The following C9orf50 variants were observed in gnomAD, a reference collection of about 807,000 sequenced individuals.
C9orf50 encodes chromosome 9 open reading frame 50, also known as uncharacterized protein C9orf50.
C9orf50 carries 33 observed loss-of-function variants against 42.5 expected under a neutral mutation model. The observed-to-expected ratio is 0.78, with a 90% CI of 0.59 to 1.04. The LOEUF (loss-of-function observed/expected upper bound fraction) is 1.04, where lower values mean the gene tolerates loss of function less well. Among genes scored for constraint, C9orf50 ranks in the 50% least tolerant of loss-of-function variants. C9orf50 has a pLI of 0.00. For missense variants in C9orf50, 547 were observed against 594.3 expected (o/e 0.92, Z 0.83); for synonymous variants, 257 against 273.4 (o/e 0.94, Z 0.59).
exon 7 of C9orf50, chr9:129,612,316 T>G: frequency 6.4e-7 from 1 of 1,572,754 alleles, no homozygotes; most frequent in Non-Finnish European, 8.7e-7. Flanking sequence ...GCCTGGCCCA[T>G]GTGTGCCCCT....
chr9:129,615,051 G>C (rs1182653537), intron 4 of C9orf50, among the ~76,000 whole-genome samples: 2 of 152,206 alleles, frequency 1.3e-5, no homozygotes, highest in Non-Finnish European at 1.5e-5. Flanking sequence ...GGCTTTTCTG[G>C]GCACCTCCTC....
intron 3 of C9orf50, among the ~76,000 whole-genome samples, chr9:129,617,295 C>G (rs1433765048): frequency 6.6e-6 from 1 of 152,206 alleles, no homozygotes; most frequent in East Asian, 1.9e-4. Context: ...AGGACAGTGC[C>G]TGGCTACATG....
rs1830207785 is a variant in C9orf50, at chr9:129,613,778, GAC to G, written c.881-183_881-182del. ...CTTGGGTTTTAAAACCACCTTGCGT[GAC>G]CATTTCTGTTATACCCAAGCTGTGC... On this transcript the variant is annotated intron_variant, in intron 4 of 6. Transcript: ENST00000372478. The surrounding 1 kb of genome is among the most constrained non-coding windows in gnomAD (Gnocchi z 6.2). Among the ~76,000 whole-genome samples, 1 of 152,206 alleles carries G rather than the reference GAC, an allele frequency of 6.6e-6. No individual in the cohort carries two copies. The highest frequency in any genetic ancestry group is 1.5e-5 in the Non-Finnish European group (1 of 68,034).
intron 4 of C9orf50, 26 bp downstream of exon 4, chr9:129,615,458 C>T (rs754252778): frequency 7.1e-6 from 11 of 1,539,542 alleles, no homozygotes; most frequent in South Asian, 2.5e-5. Flanking sequence ...TCGGGAGTCT[C>T]GAGGCTCCCC....
chr9:129,612,921 A>T (rs74381877), intron 6 of C9orf50, among the ~76,000 whole-genome samples, 186 bp downstream of exon 6: 1 of 152,100 alleles, frequency 6.6e-6, no homozygotes, highest in African/African-American at 2.4e-5. Flanking sequence ...CCACCCCTTG[A>T]CAGCTGCCCT....
At chr9:129,619,786 G>A (rs779812510) in exon 2 of C9orf50, 1 of 1,614,100 alleles carries the variant, frequency 6.2e-7, no homozygotes, top group South Asian at 1.1e-5. Context: ...GGAGACCCTG[G>A]GCAGTGCTCT....
At position 129,613,154 on chromosome 9, in the gene C9orf50, G is replaced by A. The variant is rs570920263; in HGVS notation, c.1141C>T (p.Arg381Ter). 9.3e-6 allele frequency: 15 copies of A among 1,613,812 alleles called. No individual in the cohort carries two copies. Among genetic ancestry groups the A allele is most frequent in the Admixed American group, 3.3e-5 (2 of 60,014 alleles). Residue 381 changes from arginine (R) to a stop codon, truncating the protein, a stop_gained, in exon 6 of 7, where the codon CGA (arginine) becomes TGA (stop). Coordinates refer to ENST00000372478, the Ensembl canonical transcript of C9orf50. LOFTEE classifies it low-confidence loss of function (END_TRUNC). This position sits in a 1 kb window ranked among gnomAD's most constrained non-coding sequence, Gnocchi z 6.2. Reference sequence around the variant, plus strand: ...TCCAAGAAGGCTCGGAGGCTGCTTCGCGGCCTCTGAGCAGCGGCCTTCTTC... The same window carrying A: ...TCCAAGAAGGCTCGGAGGCTGCTTCACGGCCTCTGAGCAGCGGCCTTCTTC...
chr9:129,612,284 G>A (rs370290378), exon 7 of C9orf50: 1 of 1,395,076 alleles, frequency 7.2e-7, no homozygotes, highest in Non-Finnish European at 1.0e-6. Flanking sequence ...TATTTGTGGG[G>A]CAAGGAAGGA....
At chr9:129,612,967 G>A in intron 6 of C9orf50, 140 bp downstream of exon 6, 3 of 1,087,638 alleles carry the variant, frequency 2.8e-6, no homozygotes, top group Admixed American at 2.4e-5. Flanking sequence ...CGTGGCCACT[G>A]CAAGCCCCCA....
Position 129,620,286 on chromosome 9 carries a change from G to A in C9orf50, c.289C>T (p.Leu97=). The A allele has an allele frequency of 1.6e-6, 2 of 1,271,888 alleles. No homozygotes were observed. Among genetic ancestry groups the A allele is most frequent in the Non-Finnish European group, 2.0e-6 (2 of 1,005,980 alleles). The allele number at this position is 1,271,888 out of a possible 1,614,324, so 78.8% of individuals were successfully genotyped here. A position where few individuals can be genotyped will look rare whatever the true frequency, so the allele number is the denominator to read the frequency against. Reference sequence around the variant, plus strand: ...AGGGGAGGCGGCAGCAGGGACCGCAGCAGCCCCCGCTTCCGCACGGCCCGC... The same window carrying A: ...AGGGGAGGCGGCAGCAGGGACCGCAACAGCCCCCGCTTCCGCACGGCCCGC... Residue 97 remains leucine, a synonymous_variant, in exon 1 of 7, where the codon CTG becomes TTG. Transcript: ENST00000372478. The surrounding 1 kb of genome is among the most constrained non-coding windows in gnomAD (Gnocchi z 5.8).
In C9orf50 at chr9:129,615,652, G is replaced by T; in HGVS notation, c.717-5C>A. 1 of 1,536,876 alleles carries T rather than the reference G, an allele frequency of 6.5e-7. No homozygotes were observed. On this transcript the variant is annotated splice_polypyrimidine_tract_variant and splice_region_variant and intron_variant, in intron 3 of 6. Coordinates refer to ENST00000372478, the Ensembl canonical transcript of C9orf50. ...ACCTGTGCACCGTGGGGCCTGCTGA[G>T]AGAGGGGAGAGGGGCCTGTGCTCGA... is the stretch of plus-strand genomic sequence containing the variant.
In C9orf50 at chr9:129,615,653, A is replaced by C; in HGVS notation, c.717-6T>G. 1 of 1,536,442 alleles carries C rather than the reference A, an allele frequency of 6.5e-7. No homozygotes were observed. Among genetic ancestry groups the C allele is most frequent in the Non-Finnish European group, 8.7e-7 (1 of 1,147,128 alleles). On this transcript the variant is annotated splice_polypyrimidine_tract_variant and splice_region_variant and intron_variant, in intron 3 of 6. Coordinates refer to ENST00000372478, the Ensembl canonical transcript of C9orf50. The stretch of plus-strand genomic sequence containing the variant: ...CCTGTGCACCGTGGGGCCTGCTGAG[A>C]GAGGGGAGAGGGGCCTGTGCTCGAA...
chr9:129,612,692 G>C (rs1380406255), intron 6 of C9orf50, among the ~76,000 whole-genome samples: 1 of 152,338 alleles, frequency 6.6e-6, no homozygotes, highest in Admixed American at 6.5e-5. Flanking sequence ...AGCCTGGCCA[G>C]CATAGTGAAA....
chr9:129,615,643 G>T, exon 4 of C9orf50: 1 of 1,558,296 alleles, frequency 6.4e-7, no homozygotes, highest in Non-Finnish European at 8.6e-7. Flanking sequence ...GCACCGTGGG[G>T]CCTGCTGAGA....
chr9:129,615,343 C>G (rs896728775), intron 4 of C9orf50, 141 bp downstream of exon 4: 6 of 930,300 alleles, frequency 6.4e-6, no homozygotes, highest in East Asian at 5.9e-5. Context: ...GAGGCCAGTT[C>G]AGGCACATCC....
rs367589276 is a variant in C9orf50 at position 129,620,014 on chromosome 9, AC to A, written c.508+52del. On this transcript the variant is annotated intron_variant, in intron 1 of 6. Transcript: ENST00000372478. This position sits in a 1 kb window ranked among gnomAD's most constrained non-coding sequence, Gnocchi z 5.8. ...GGTGGGTGCGGGGACACAAGGGACC[AC>A]CCCCCACCGGAAATGACTCGGGCCC... The A allele has an allele frequency of 3.2e-4, 464 of 1,448,634 alleles. 1 individual carries two copies. In the East Asian group the frequency reaches 5.2e-3, roughly 16 times the overall value. The allele number at this position is 1,448,634 out of a possible 1,614,324, so 89.7% of individuals were successfully genotyped here. A position where few individuals can be genotyped will look rare whatever the true frequency, so the allele number is the denominator to read the frequency against.
intron 3 of C9orf50, among the ~76,000 whole-genome samples, chr9:129,617,922 G>A (rs1233245276): frequency 1.3e-5 from 2 of 152,092 alleles, no homozygotes; most frequent in Non-Finnish European, 1.5e-5. Flanking sequence ...GGGCTCAAGC[G>A]ATCCTCCTGC....
intron 6 of C9orf50, 108 bp from the exon 7 acceptor site, chr9:129,612,562 A>G (rs1830143546): frequency 1.3e-6 from 1 of 793,048 alleles, no homozygotes; most frequent in African/African-American, 1.7e-5. Context: ...TAGTGCTGTC[A>G]GCCCCATTTT....
chr9:129,612,972 C>A, intron 6 of C9orf50, 135 bp downstream of exon 6: 2 of 1,124,800 alleles, frequency 1.8e-6, no homozygotes, highest in Non-Finnish European at 2.5e-6. Flanking sequence ...CCACTGCAAG[C>A]CCCCACGGTG....
Sources: allele counts gnomAD v4.1 joint callset (sites outside exome capture counted in the v4.1 genomes callset), GRCh38; gene constraint gnomAD v4.1.1; non-coding constraint Gnocchi (gnomAD v3.1); transcripts MANE v1.5; gene names NCBI Gene and HGNC (gene_info 2026-07-23, HGNC 2026-07-21).